Variants in XKR9 observed in about 807,000 individuals in gnomAD.
The protein encoded by XKR9 is XK related 9, also known as XK-related protein 9.
A neutral mutation model predicts 32.0 loss-of-function variants in XKR9; 32 were observed. The observed-to-expected ratio is 1.00, with a 90% CI of 0.76 to 1.34. The LOEUF (loss-of-function observed/expected upper bound fraction) is 1.34. Among genes scored for constraint, XKR9 ranks in the 40% most tolerant of loss-of-function variants. XKR9 has a pLI of 0.00. For synonymous variants in XKR9, 168 were observed against 143.4 expected (o/e 1.17, Z -1.22); for missense variants, 546 against 429.7 (o/e 1.27, Z -2.39).
chr8:70,958,445 AATG>A, the XKR9 span, among the ~76,000 whole-genome samples: 2 of 152,144 alleles, frequency 1.3e-5, no homozygotes, highest in African/African-American at 4.8e-5. Flanking sequence ...GCATTTCTCT[AATG>A]ATCAGTGATG....
chr8:70,995,862 T>G, the XKR9 span, among the ~76,000 whole-genome samples: 2 of 152,312 alleles, frequency 1.3e-5, no homozygotes, highest in East Asian at 3.9e-4. Flanking sequence ...TATAAAGGCC[T>G]GTTTCTTCAC....
At position 70,680,987 on chromosome 8, in the gene XKR9, T is replaced by G. The variant is rs1441672448; in HGVS notation, c.-72T>G. The G allele has an allele frequency of 1.4e-6, 2 of 1,438,358 alleles. No homozygotes were observed. Among genetic ancestry groups the G allele is most frequent in the Non-Finnish European group, 1.9e-6 (2 of 1,058,672 alleles). The allele number at this position is 1,438,358 out of a possible 1,614,324, so 89.1% of individuals were successfully genotyped here. The stretch of plus-strand genomic sequence containing the variant: ...AATGCTATACCAAAGGGTATACTAA[T>G]ATTTGTTTGGCTTTTTTTCCCTTTT... On this transcript the variant is annotated 5_prime_UTR_variant, in exon 3 of 5. Transcript: ENST00000408926.
the XKR9 span, among the ~76,000 whole-genome samples, chr8:70,869,640 CAG>C: frequency 6.6e-6 from 1 of 152,146 alleles, no homozygotes; most frequent in Non-Finnish European, 1.5e-5. Flanking sequence ...CTCACTGTCT[CAG>C]AGAAAAAATA....
At chr8:71,022,013 T>A in the XKR9 span, among the ~76,000 whole-genome samples, 2 of 152,224 alleles carry the variant, frequency 1.3e-5, no homozygotes, top group Admixed American at 6.5e-5. Context: ...TCTGTATAGA[T>A]GGTGAAAAGT....
chr8:70,905,353 GCTT>G, the XKR9 span, among the ~76,000 whole-genome samples: 1 of 151,972 alleles, frequency 6.6e-6, no homozygotes. Flanking sequence ...TTCTCTTCTT[GCTT>G]CATTTCATTA....
chr8:70,865,862 A>G, the XKR9 span, among the ~76,000 whole-genome samples: 4 of 152,216 alleles, frequency 2.6e-5, no homozygotes, highest in East Asian at 7.7e-4. Flanking sequence ...TACTTCAGCT[A>G]TGGAGTGTGA....
chr8:70,784,698 T>C (rs1807660455), intron 2 of XKR9, among the ~76,000 whole-genome samples: 1 of 152,110 alleles, frequency 6.6e-6, no homozygotes. Flanking sequence ...TTTCTTTCTC[T>C]TGCTTAATTT....
chr8:70,884,962 T>C, the XKR9 span, among the ~76,000 whole-genome samples: 1 of 152,186 alleles, frequency 6.6e-6, no homozygotes. Context: ...ATAAATTAAA[T>C]TGGGAAGAAT....
At chr8:71,033,023 G>A in the XKR9 span, among the ~76,000 whole-genome samples, 3,646 of 151,638 alleles carry the variant, frequency 0.024, 148 homozygotes, top group African/African-American at 0.084. Flanking sequence ...GGTGGAGGTT[G>A]CAGTGAGCCG....
chr8:70,882,227 T>C, the XKR9 span, among the ~76,000 whole-genome samples: 3 of 151,950 alleles, frequency 2.0e-5, no homozygotes, highest in Non-Finnish European at 2.9e-5. Flanking sequence ...AACTTGCACA[T>C]TGTGCACATG....
the XKR9 span, among the ~76,000 whole-genome samples, chr8:70,884,291 A>G: frequency 1.3e-5 from 2 of 152,088 alleles, no homozygotes; most frequent in African/African-American, 4.8e-5. Flanking sequence ...CCTTTATTCA[A>G]TATGTTTTGC....
the XKR9 span, among the ~76,000 whole-genome samples, chr8:70,948,973 T>G: frequency 6.6e-6 from 1 of 152,150 alleles, no homozygotes; most frequent in Non-Finnish European, 1.5e-5. Flanking sequence ...TAAACTGAAG[T>G]TTTCTGCTGC....
the XKR9 span, among the ~76,000 whole-genome samples, chr8:70,935,535 C>T: frequency 1.3e-5 from 2 of 151,984 alleles, no homozygotes; most frequent in Non-Finnish European, 2.9e-5. Flanking sequence ...TTTGCTGGCA[C>T]TGGCTGTTAG....
At chr8:70,951,403 C>G in the XKR9 span, among the ~76,000 whole-genome samples, 1 of 152,218 alleles carries the variant, frequency 6.6e-6, no homozygotes, top group African/African-American at 2.4e-5. Flanking sequence ...AGGGCCCTCA[C>G]AGGGCCTGTT....
chr8:70,883,354 C>T, the XKR9 span, among the ~76,000 whole-genome samples: 1 of 152,040 alleles, frequency 6.6e-6, no homozygotes, highest in Non-Finnish European at 1.5e-5. Context: ...ATATATACCA[C>T]ATTTTTTTTT....
the XKR9 span, among the ~76,000 whole-genome samples, chr8:70,908,292 A>G: frequency 6.6e-6 from 1 of 152,364 alleles, no homozygotes; most frequent in East Asian, 1.9e-4. Context: ...AATTACAACT[A>G]TAAGCCTCAA....
chr8:70,971,260 T>C, the XKR9 span, among the ~76,000 whole-genome samples: 1 of 152,204 alleles, frequency 6.6e-6, no homozygotes, highest in Non-Finnish European at 1.5e-5. Flanking sequence ...CATTTGTATA[T>C]CTTCGTTTGA....
chr8:70,804,975 G>A, the XKR9 span, among the ~76,000 whole-genome samples: 1 of 152,168 alleles, frequency 6.6e-6, no homozygotes, highest in Non-Finnish European at 1.5e-5. Context: ...TAAGATACTG[G>A]CCAATGGGTG....
At chr8:70,908,558 T>C in the XKR9 span, among the ~76,000 whole-genome samples, 1 of 152,346 alleles carries the variant, frequency 6.6e-6, no homozygotes, top group Non-Finnish European at 1.5e-5. Context: ...CAACTTTTCC[T>C]GTAAGGAATT....
Sources: gnomAD v4.1 joint callset for allele counts (sites outside exome capture counted in the v4.1 genomes callset) on GRCh38, gnomAD v4.1.1 for gene constraint, MANE v1.5 for transcripts, NCBI Gene and HGNC (gene_info 2026-07-23, HGNC 2026-07-21) for gene names.